The following PLCB4 variants were observed in gnomAD, a reference collection of about 807,000 sequenced individuals.
The protein encoded by PLCB4 is 1-phosphatidylinositol 4,5-bisphosphate phosphodiesterase beta-4.
Under a neutral mutation model 178.8 loss-of-function variants are expected in PLCB4, and 77 were observed. That is an observed-to-expected ratio of 0.43 (90% CI 0.36 to 0.52). The LOEUF (loss-of-function observed/expected upper bound fraction) is 0.52, where lower values mean the gene tolerates loss of function less well. Ranked by LOEUF, PLCB4 falls within the 20% of genes least tolerant of loss-of-function variation. The pLI is 0.00. For missense variants in PLCB4, 1,024 were observed against 1,453.4 expected (o/e 0.70, Z 4.80); for synonymous variants, 496 against 490.8 (o/e 1.01, Z -0.14).
intron 2 of PLCB4, among the ~76,000 whole-genome samples, chr20:9,192,712 G>A (rs2093421467): frequency 6.6e-6 from 1 of 151,572 alleles, no homozygotes; most frequent in Non-Finnish European, 1.5e-5. Flanking sequence ...CAAGTCAGGA[G>A]TCTGAGGTGG....
At chr20:9,085,113 C>T (rs2090346285) in intron 1 of PLCB4, among the ~76,000 whole-genome samples, 1 of 151,116 alleles carries the variant, frequency 6.6e-6, no homozygotes, top group African/African-American at 2.4e-5. Context: ...CTTGAGTGAG[C>T]TTTTTAAACA....
chr20:9,395,122 C>G (rs1222967380), intron 18 of PLCB4, among the ~76,000 whole-genome samples: 1 of 152,138 alleles, frequency 6.6e-6, no homozygotes, highest in Non-Finnish European at 1.5e-5. Context: ...AGTTTTGTTG[C>G]CAACCTGCCT....
intron 2 of PLCB4, among the ~76,000 whole-genome samples, chr20:9,106,311 G>A (rs554679216): frequency 2.6e-5 from 4 of 151,344 alleles, no homozygotes; most frequent in Non-Finnish European, 4.4e-5. Context: ...AATTACTTTT[G>A]CACCAACCTA....
At chr20:9,157,796 G>A (rs1364069819) in intron 2 of PLCB4, among the ~76,000 whole-genome samples, 4 of 152,136 alleles carry the variant, frequency 2.6e-5, no homozygotes, top group Non-Finnish European at 5.9e-5. Context: ...ATTTATGCTG[G>A]GTGTGATGGT....
chr20:9,338,287 A>T (rs1005283628), intron 6 of PLCB4, among the ~76,000 whole-genome samples: 2 of 152,176 alleles, frequency 1.3e-5, no homozygotes, highest in African/African-American at 4.8e-5. Context: ...CTTTGTGGAC[A>T]AGCAGACCCT....
At chr20:9,127,640 A>G (rs2092152089) in intron 2 of PLCB4, among the ~76,000 whole-genome samples, 1 of 44,312 alleles carries the variant, frequency 2.3e-5, no homozygotes, top group Non-Finnish European at 4.2e-5. Flanking sequence ...TGGTAAAATT[A>G]TCTATCTATC....
intron 3 of PLCB4, among the ~76,000 whole-genome samples, chr20:9,236,926 T>C (rs1023259999): frequency 6.6e-6 from 1 of 152,222 alleles, no homozygotes; most frequent in Non-Finnish European, 1.5e-5. Context: ...ATTACTCTTG[T>C]TATGTGTTGA....
intron 28 of PLCB4, among the ~76,000 whole-genome samples, chr20:9,424,381 A>T (rs1321324746): frequency 6.6e-6 from 1 of 152,232 alleles, no homozygotes; most frequent in Non-Finnish European, 1.5e-5. Flanking sequence ...AAGAAAGTTC[A>T]ATTTCATAAA....
intron 20 of PLCB4, among the ~76,000 whole-genome samples, chr20:9,402,519 G>A (rs974979368): frequency 1.3e-5 from 2 of 152,178 alleles, no homozygotes; most frequent in Non-Finnish European, 2.9e-5. Context: ...TTAGAGAAGG[G>A]GGCAGTGTAG....
intron 3 of PLCB4, among the ~76,000 whole-genome samples, chr20:9,268,207 T>G (rs954263375): frequency 6.6e-6 from 1 of 152,200 alleles, no homozygotes; most frequent in African/African-American, 2.4e-5. Context: ...AACTAGTATG[T>G]TCACCACAGG....
At chr20:9,391,968 C>A (rs2038184056) in intron 17 of PLCB4, among the ~76,000 whole-genome samples, 1 of 152,174 alleles carries the variant, frequency 6.6e-6, no homozygotes, top group South Asian at 2.1e-4. Context: ...GTTGGAGTTT[C>A]CTTCCAAGTA....
chr20:9,213,378 T>C (rs546378907), intron 2 of PLCB4, among the ~76,000 whole-genome samples: 26 of 141,008 alleles, frequency 1.8e-4, no homozygotes, highest in Non-Finnish European at 2.8e-4. Flanking sequence ...CTCCTGACCT[T>C]AGGTGATCCA....
At chr20:9,320,383 T>C (rs1191508954) in intron 4 of PLCB4, among the ~76,000 whole-genome samples, 1 of 152,122 alleles carries the variant, frequency 6.6e-6, no homozygotes, top group East Asian at 1.9e-4. Context: ...CAACCAGAGG[T>C]CACTTTCTTC....
chr20:9,258,543 C>T (rs1191955433), intron 3 of PLCB4, among the ~76,000 whole-genome samples: 1 of 151,608 alleles, frequency 6.6e-6, no homozygotes, highest in Admixed American at 6.6e-5. Flanking sequence ...GGTGAAACCC[C>T]GTCTCTACTA....
In PLCB4 at chr20:9,478,089, A is replaced by G. The variant is rs192123038; in HGVS notation, c.3533-832A>G. The stretch of plus-strand genomic sequence containing the variant: ...AAGATACGTGCATTTGGTTGGGCAA[A>G]ATCATCCAGGCTACCAGTTGGATAA... On this transcript the variant is annotated intron_variant, in intron 39 of 39. Transcript: ENST00000378473. 2.8e-3 allele frequency among the ~76,000 whole-genome samples: 427 copies of G among 152,306 alleles called. 1 individual carries two copies. The highest frequency in any genetic ancestry group is 9.6e-3 in the African/African-American group (400 of 41,580).
chr20:9,282,214 A>C (rs2094500529), intron 3 of PLCB4, among the ~76,000 whole-genome samples: 3 of 152,028 alleles, frequency 2.0e-5, no homozygotes. Flanking sequence ...TCACTTCTTC[A>C]TCAAAGATTC....
chr20:9,346,695 C>T (rs1429885162), intron 7 of PLCB4, among the ~76,000 whole-genome samples: 6 of 152,074 alleles, frequency 3.9e-5, no homozygotes, highest in Admixed American at 2.6e-4. Flanking sequence ...TTAAGCTGTC[C>T]GGAGTGCAGA....
chr20:9,277,097 A>G (rs540465833), intron 3 of PLCB4, among the ~76,000 whole-genome samples: 1 of 152,154 alleles, frequency 6.6e-6, no homozygotes, highest in African/African-American at 2.4e-5. Flanking sequence ...TTCTCCACCT[A>G]CTGCCGCTAT....
chr20:9,425,771 T>C (rs1305605583), intron 28 of PLCB4, among the ~76,000 whole-genome samples: 1 of 152,236 alleles, frequency 6.6e-6, no homozygotes, highest in African/African-American at 2.4e-5. Flanking sequence ...AAATACAATT[T>C]ATTCAAAATT....
Sources: gnomAD v4.1 joint callset for allele counts (sites outside exome capture counted in the v4.1 genomes callset) on GRCh38, gnomAD v4.1.1 for gene constraint, MANE v1.5 for transcripts, NCBI Gene and HGNC (gene_info 2026-07-23, HGNC 2026-07-21) for gene names.